Variants in PTPRG observed in about 807,000 individuals in gnomAD.
The protein encoded by PTPRG is protein tyrosine phosphatase receptor type G.
PTPRG carries 102 observed loss-of-function variants against 165.3 expected under a neutral mutation model. That is an observed-to-expected ratio of 0.62 (90% CI 0.53 to 0.73). The LOEUF (loss-of-function observed/expected upper bound fraction) is 0.73. PTPRG is among the 30% of genes least tolerant of loss of function. PTPRG has a pLI of 0.00. For synonymous variants in PTPRG, 675 were observed against 669.5 expected, an observed-to-expected ratio of 1.01 and a Z score of -0.13; for missense variants, 1,866 against 1,861.4, an observed-to-expected ratio of 1.00 and a Z score of -0.05.
chr3:61,776,996 G>T (rs755336907), intron 2 of PTPRG, among the ~76,000 whole-genome samples: 11 of 152,074 alleles, frequency 7.2e-5, no homozygotes, highest in Admixed American at 7.2e-4. Flanking sequence ...TGTGGGGGTC[G>T]AGGTTCAAGT....
At chr3:61,800,640 A>C (rs1406661822) in intron 2 of PTPRG, among the ~76,000 whole-genome samples, 1 of 150,264 alleles carries the variant, frequency 6.7e-6, no homozygotes, top group East Asian at 2.0e-4. Flanking sequence ...TGGTGGGGAC[A>C]GAACTGTGCA....
At chr3:61,915,435 T>C (rs529729368) in intron 2 of PTPRG, among the ~76,000 whole-genome samples, 2 of 152,108 alleles carry the variant, frequency 1.3e-5, no homozygotes, top group African/African-American at 4.8e-5. Context: ...AATATGGCAG[T>C]GGAGGGGTAG....
intron 2 of PTPRG, among the ~76,000 whole-genome samples, chr3:61,798,403 C>G (rs1004898826): frequency 2.0e-5 from 3 of 152,108 alleles, no homozygotes; most frequent in Non-Finnish European, 2.9e-5. Flanking sequence ...TTAAGAAGGG[C>G]TTTTAGGGTA....
In PTPRG at chr3:61,737,946, T is replaced by C. The variant is rs55963255; in HGVS notation, c.86-10932T>C. Among the ~76,000 whole-genome samples the C allele has an allele frequency of 6.4e-3, 965 of 150,876 alleles. 6 individuals carry two copies. Among genetic ancestry groups the C allele is most frequent in the Admixed American group, 0.011 (170 of 15,166 alleles). ...TTTTTTAAGACGGAGTCTTTCTCTG[T>C]CGCCCAGGCTGGAGTGCAGTGGCGC... is the stretch of plus-strand genomic sequence containing the variant. On this transcript the variant is annotated intron_variant, in intron 1 of 29. Coordinates refer to ENST00000474889, the MANE Select transcript of PTPRG (RefSeq NM_002841.4).
At chr3:62,163,342 G>C (rs926107689) in intron 7 of PTPRG, among the ~76,000 whole-genome samples, 3 of 152,154 alleles carry the variant, frequency 2.0e-5, no homozygotes, top group Admixed American at 2.0e-4. Flanking sequence ...ATTACCACCA[G>C]CCTCATGGGA....
At chr3:62,083,005 T>A (rs1031790462) in intron 5 of PTPRG, among the ~76,000 whole-genome samples, 4 of 152,114 alleles carry the variant, frequency 2.6e-5, no homozygotes, top group African/African-American at 9.7e-5. Flanking sequence ...AGTTTGCTTT[T>A]AAAGGATTTA....
intron 8 of PTPRG, among the ~76,000 whole-genome samples, chr3:62,182,712 T>G (rs1346226233): frequency 6.6e-6 from 1 of 152,232 alleles, no homozygotes; most frequent in African/African-American, 2.4e-5. Flanking sequence ...CAGGCTGGAG[T>G]GCAGTGGTGC....
At chr3:61,608,911 C>T (rs1444197587) in intron 1 of PTPRG, among the ~76,000 whole-genome samples, 1 of 152,188 alleles carries the variant, frequency 6.6e-6, no homozygotes, top group Non-Finnish European at 1.5e-5. Flanking sequence ...AATACTCCAT[C>T]TGAGGTCTGG....
At chr3:61,666,723 G>C (rs1702822204) in intron 1 of PTPRG, among the ~76,000 whole-genome samples, 1 of 152,182 alleles carries the variant, frequency 6.6e-6, no homozygotes, top group South Asian at 2.1e-4. Context: ...CAGCATCTGG[G>C]AGGACCATCC....
intron 6 of PTPRG, among the ~76,000 whole-genome samples, chr3:62,148,483 G>C (rs1441836064): frequency 6.6e-6 from 1 of 152,188 alleles, no homozygotes; most frequent in East Asian, 1.9e-4. Flanking sequence ...AAAGAGGCTG[G>C]GCGTGGGTGC....
intron 1 of PTPRG, among the ~76,000 whole-genome samples, chr3:61,585,596 A>G (rs1362230556): frequency 1.3e-5 from 2 of 152,020 alleles, no homozygotes; most frequent in South Asian, 2.1e-4. Flanking sequence ...AAAGTACAAA[A>G]ATTAGCCAGG....
chr3:62,145,010 G>T (rs1229240962), intron 6 of PTPRG, among the ~76,000 whole-genome samples: 1 of 151,968 alleles, frequency 6.6e-6, no homozygotes, highest in Non-Finnish European at 1.5e-5. Flanking sequence ...GAAGAGCAAA[G>T]AGAGCTCTTA....
intron 2 of PTPRG, among the ~76,000 whole-genome samples, chr3:61,953,012 CAATAGG>C (rs1198583067): frequency 6.6e-6 from 1 of 152,122 alleles, no homozygotes; most frequent in African/African-American, 2.4e-5. Flanking sequence ...TTGTGGCTTC[CAATAGG>C]TCTCAGGATA....
Position 62,210,114 on chromosome 3 carries a change from G to C in PTPRG, c.2155+6164G>C, listed in dbSNP as rs945944915. On this transcript the variant is annotated intron_variant, in intron 12 of 29. Transcript: ENST00000474889. The surrounding 1 kb of genome is among the most constrained non-coding windows in gnomAD (Gnocchi z 4.1). ...TGACAGACCATCATTTTGATTGTTT[G>C]AGTCTGGTGAATTAAGCTCTGCATG... 7.2e-5 allele frequency among the ~76,000 whole-genome samples: 11 copies of C among 152,160 alleles called. No individual in the cohort carries two copies. The highest frequency in any genetic ancestry group is 2.4e-4 in the African/African-American group (10 of 41,442).
chr3:61,900,492 C>G (rs945691759), intron 2 of PTPRG, among the ~76,000 whole-genome samples: 1 of 152,084 alleles, frequency 6.6e-6, no homozygotes, highest in Non-Finnish European at 1.5e-5. Context: ...TCTGTAAGTC[C>G]CCATCCTCTG....
At chr3:62,022,871 T>C (rs1442419959) in intron 4 of PTPRG, among the ~76,000 whole-genome samples, 1 of 152,188 alleles carries the variant, frequency 6.6e-6, no homozygotes, top group African/African-American at 2.4e-5. Context: ...TTTTACTAAA[T>C]AAAAATTGGT....
chr3:61,863,103 G>A (rs1049217712), intron 2 of PTPRG, among the ~76,000 whole-genome samples: 3 of 152,342 alleles, frequency 2.0e-5, no homozygotes, highest in African/African-American at 4.8e-5. Context: ...GCACAAGGAT[G>A]TGCAGACCCA....
chr3:61,730,694 A>G (rs1038412812), intron 1 of PTPRG, among the ~76,000 whole-genome samples: 3 of 152,202 alleles, frequency 2.0e-5, no homozygotes, highest in African/African-American at 4.8e-5. Context: ...AGAGGTAGGC[A>G]TGAAGTTAGA....
chr3:62,244,834 G>A (rs1006241933), intron 15 of PTPRG, among the ~76,000 whole-genome samples: 2 of 152,166 alleles, frequency 1.3e-5, no homozygotes, highest in African/African-American at 4.8e-5. Flanking sequence ...TATTCTTTAA[G>A]TACTTACATG....
Sources: gnomAD v4.1 joint callset for allele counts (sites outside exome capture counted in the v4.1 genomes callset) on GRCh38, gnomAD v4.1.1 for gene constraint, Gnocchi (gnomAD v3.1) non-coding constraint, MANE v1.5 for transcripts, NCBI Gene and HGNC (gene_info 2026-07-23, HGNC 2026-07-21) for gene names.